ATG7: variants seen among roughly 807,000 people sequenced by gnomAD.
ATG7 encodes ubiquitin-like modifier-activating enzyme ATG7.
In ATG7, 70 loss-of-function variants were observed where a neutral mutation model predicts 82.4. The ratio of observed to expected loss-of-function variants is 0.85; its 90% confidence interval spans 0.70 to 1.04. The LOEUF (loss-of-function observed/expected upper bound fraction) is 1.04. Among genes scored for constraint, ATG7 ranks in the 50% least tolerant of loss-of-function variants. ATG7 has a pLI of 0.00. For missense variants in ATG7, 792 were observed against 864.3 expected (o/e 0.92, Z 1.05); for synonymous variants, 287 against 313.0 (o/e 0.92, Z 0.88).
chr3:11,314,272 T>C (rs1015279391), intron 8 of ATG7, among the ~76,000 whole-genome samples: 4 of 152,192 alleles, frequency 2.6e-5, no homozygotes, highest in East Asian at 1.9e-4. Context: ...AGAATTCTTA[T>C]TGTTGTTAAG....
intron 20 of ATG7, chr3:11,488,355 G>GGCGGCACTC: frequency 1.3e-6 from 1 of 757,754 alleles, no homozygotes; most frequent in Non-Finnish European, 1.8e-6. Context: ...CTGCCTCCCG[G>GGCGGCACTC]GCGGCACTCG....
At chr3:11,273,997 C>T (rs928930961) in intron 1 of ATG7, among the ~76,000 whole-genome samples, 1 of 152,186 alleles carries the variant, frequency 6.6e-6, no homozygotes, top group African/African-American at 2.4e-5. Flanking sequence ...CTGCTCCAGT[C>T]TTGTTAAGCT....
chr3:11,336,379 A>G (rs1179009555), intron 11 of ATG7, among the ~76,000 whole-genome samples: 5 of 152,086 alleles, frequency 3.3e-5, no homozygotes, highest in Non-Finnish European at 1.5e-5. Flanking sequence ...TTTCCATTTG[A>G]AAAAGGTTTT....
chr3:11,572,038 T>C, the ATG7 span, among the ~76,000 whole-genome samples: 1 of 151,762 alleles, frequency 6.6e-6, no homozygotes, highest in Non-Finnish European at 1.5e-5. Context: ...GCCCAGGAGA[T>C]GGAGGTTGCA....
intron 19 of ATG7, among the ~76,000 whole-genome samples, chr3:11,417,805 A>ATTTTTTTTTTTTTTTTT (rs200364263): frequency 1.9e-5 from 1 of 52,742 alleles, no homozygotes; most frequent in African/African-American, 6.5e-5. Context: ...TTATTATTTT[A>ATTTTTTTTTTTTTTTTT]TTTTATTTTA....
At chr3:11,330,201 C>G (rs1457256169) in intron 9 of ATG7, among the ~76,000 whole-genome samples, 1 of 152,112 alleles carries the variant, frequency 6.6e-6, no homozygotes, top group African/African-American at 2.4e-5. Flanking sequence ...TGTAAAAATA[C>G]TATTTTTTCT....
chr3:11,474,183 C>T (rs1415254368), intron 20 of ATG7, among the ~76,000 whole-genome samples: 1 of 152,240 alleles, frequency 6.6e-6, no homozygotes, highest in Non-Finnish European at 1.5e-5. Context: ...CAGCACTCTT[C>T]TAAGCACTGG....
chr3:11,428,939 C>G (rs1304018325), intron 20 of ATG7, among the ~76,000 whole-genome samples: 3 of 152,120 alleles, frequency 2.0e-5, no homozygotes, highest in African/African-American at 7.2e-5. Context: ...ATGGCTTTTT[C>G]AAAGACTTAG....
chr3:11,502,531 A>G (rs371956569), intron 20 of ATG7, among the ~76,000 whole-genome samples: 1 of 151,102 alleles, frequency 6.6e-6, no homozygotes, highest in South Asian at 2.1e-4. Flanking sequence ...AATTTCATCC[A>G]TGTCCCTACA....
chr3:11,315,787 C>T (rs536412142), intron 9 of ATG7, among the ~76,000 whole-genome samples: 3 of 152,192 alleles, frequency 2.0e-5, no homozygotes, highest in East Asian at 1.9e-4. Context: ...AGCGCAGTGG[C>T]GCAATCTTGG....
chr3:11,394,150 T>A (rs1251013412), intron 19 of ATG7, among the ~76,000 whole-genome samples: 1 of 152,226 alleles, frequency 6.6e-6, no homozygotes, highest in African/African-American at 2.4e-5. Context: ...TTATAGTTCC[T>A]CTGTACTATA....
intron 20 of ATG7, among the ~76,000 whole-genome samples, chr3:11,447,486 G>T (rs907421732): frequency 6.6e-6 from 1 of 150,686 alleles, no homozygotes; most frequent in Non-Finnish European, 1.5e-5. Context: ...AAAAAAAAAA[G>T]TAATTTATTG....
chr3:11,491,006 T>C, intron 20 of ATG7, among the ~76,000 whole-genome samples: 1 of 152,230 alleles, frequency 6.6e-6, no homozygotes, highest in Non-Finnish European at 1.5e-5. Context: ...TTCCTGAATC[T>C]GAATGTTGGC....
intron 1 of ATG7, among the ~76,000 whole-genome samples, chr3:11,275,132 T>A (rs978567927): frequency 6.6e-6 from 1 of 151,862 alleles, no homozygotes; most frequent in African/African-American, 2.4e-5. Context: ...TGGTAACTGA[T>A]AGGATGAAAC....
intron 16 of ATG7, among the ~76,000 whole-genome samples, chr3:11,361,602 G>T (rs1460946508): frequency 1.3e-5 from 2 of 152,036 alleles, no homozygotes; most frequent in African/African-American, 4.8e-5. Context: ...TAATTTTTTG[G>T]TATATGTCCC....
At chr3:11,330,805 T>G (rs1488121293) in intron 9 of ATG7, among the ~76,000 whole-genome samples, 1 of 151,992 alleles carries the variant, frequency 6.6e-6, no homozygotes, top group Non-Finnish European at 1.5e-5. Flanking sequence ...TTAAATTGAG[T>G]AGAGTTTTCC....
intron 1 of ATG7, chr3:11,277,125 T>G (rs965260902): frequency 1.3e-5 from 2 of 152,258 alleles, no homozygotes; most frequent in African/African-American, 4.8e-5. Context: ...GACTCACATC[T>G]CCTCCATTTC....
rs186565444 is a variant in ATG7 at position 11,456,722 on chromosome 3, T to A, written c.2079+29796T>A. The stretch of plus-strand genomic sequence containing the variant: ...CAAAAGCCACAATTACTGTTTGGAC[T>A]CAAAAATGTGACGGAAAGAAGTAGA... On this transcript the variant is annotated intron_variant, in intron 20 of 20. Transcript: ENST00000693202. 1.1e-3 allele frequency among the ~76,000 whole-genome samples: 161 copies of A among 152,348 alleles called. 1 individual carries two copies. Among genetic ancestry groups the A allele is most frequent in the Non-Finnish European group, 2.1e-4 (14 of 68,028 alleles).
intron 20 of ATG7, among the ~76,000 whole-genome samples, chr3:11,516,190 C>T (rs766803502): frequency 1.1e-4 from 17 of 151,978 alleles, no homozygotes; most frequent in Admixed American, 3.3e-4. Flanking sequence ...GGCAAATAAA[C>T]ACATGAAAAG....
Sources: gnomAD v4.1 joint callset for allele counts (sites outside exome capture counted in the v4.1 genomes callset) on GRCh38, gnomAD v4.1.1 for gene constraint, MANE v1.5 for transcripts, NCBI Gene and HGNC (gene_info 2026-07-23, HGNC 2026-07-21) for gene names.